The following RUSC2 variants were observed in gnomAD, a reference collection of about 807,000 sequenced individuals.
RUSC2 encodes AP-4 complex accessory subunit RUSC2.
In RUSC2, 34 loss-of-function variants were observed where a neutral mutation model predicts 122.2. The observed-to-expected ratio is 0.28, with a 90% CI of 0.21 to 0.37. The LOEUF is 0.37. RUSC2 is among the 10% of genes least tolerant of loss of function. RUSC2 has a pLI of 1.00. For synonymous variants in RUSC2, 784 were observed against 790.0 expected (o/e 0.99, Z 0.13); for missense variants, 1,747 against 1,952.4 (o/e 0.89, Z 1.98).
At chr9:35,496,366 G>T (rs1820713420) in intron 1 of RUSC2, among the ~76,000 whole-genome samples, 1 of 152,108 alleles carries the variant, frequency 6.6e-6, no homozygotes, top group African/African-American at 2.4e-5. Flanking sequence ...TAGAAACAAA[G>T]CTCGGTGCAT....
intron 1 of RUSC2, among the ~76,000 whole-genome samples, chr9:35,523,594 T>C (rs1284536433): frequency 1.3e-5 from 2 of 151,952 alleles, no homozygotes; most frequent in African/African-American, 4.8e-5. Flanking sequence ...GGTGGCTGGA[T>C]CCTTGAGCCC....
In RUSC2 at chr9:35,561,280, C is replaced by G. The variant is rs372603201; in HGVS notation, c.4449C>G (p.Asp1483Glu). Reference sequence around the variant, plus strand: ...GAGTGCTGGGGCGAGCTGGAGGAGACTGGCTGCGCTGCAGCCGTGGCCCCG... The same window carrying G: ...GAGTGCTGGGGCGAGCTGGAGGAGAGTGGCTGCGCTGCAGCCGTGGCCCCG... ...ILRVLGRAGG[D>E]WLRCSRGPDS... The change falls in exon 12 of 12, where the codon GAC becomes GAG. Residue 1483 changes from aspartate (D) to glutamate (E), a missense_variant. Coordinates refer to ENST00000361226, the MANE Select transcript of RUSC2 (RefSeq NM_014806.5). The G allele has an allele frequency of 1.8e-5, 29 of 1,613,990 alleles. No individual in the cohort carries two copies. The African/African-American group carries it at 3.7e-4, about 21-fold the overall frequency.
chr9:35,514,297 G>C (rs1821064546), intron 1 of RUSC2, among the ~76,000 whole-genome samples: 1 of 152,152 alleles, frequency 6.6e-6, no homozygotes, highest in South Asian at 2.1e-4. Flanking sequence ...CCTAAAGGAT[G>C]ATTAGGAGTT....
In RUSC2 at chr9:35,540,180, G is replaced by A. The variant is rs373595716; in HGVS notation, c.-92-6250G>A. On this transcript the variant is annotated intron_variant, in intron 1 of 11. Coordinates refer to ENST00000361226, the MANE Select transcript of RUSC2 (RefSeq NM_014806.5). ...AGCCTAGGAGTTGAGACCAGCCTGG[G>A]CAACATGGTGAAACCCTGTCTCTAC... is the stretch of plus-strand genomic sequence containing the variant. Among the ~76,000 whole-genome samples, 232 of 152,178 alleles carry A rather than the reference G, an allele frequency of 1.5e-3. 3 individuals are homozygous for A. The highest frequency in any genetic ancestry group is 5.6e-3 in the South Asian group (27 of 4,818).
intron 2 of RUSC2, among the ~76,000 whole-genome samples, chr9:35,550,241 G>A (rs1821860862): frequency 6.6e-6 from 1 of 151,908 alleles, no homozygotes; most frequent in African/African-American, 2.4e-5. Context: ...TGGATCACTG[G>A]TTGTTTGGGT....
chr9:35,560,766 G>A lies in RUSC2; in HGVS notation c.4126G>A (p.Ala1376Thr). 1 of 1,536,972 alleles carries A rather than the reference G, an allele frequency of 6.5e-7. No homozygotes were observed. Reference sequence around the variant, plus strand: ...CTCGCCAGCAGAAAATGAGGAAGGGGCCTCAGAGCCTTCACCTGGAGGCAT... The same window carrying A: ...CTCGCCAGCAGAAAATGAGGAAGGGACCTCAGAGCCTTCACCTGGAGGCAT... Reference protein sequence around the residue: ...AASPAENEEGASEPSPGGIKW... With the variant: ...AASPAENEEGTSEPSPGGIKW... Residue 1376 changes from alanine to threonine, a missense_variant, in exon 10 of 12, where the codon GCC becomes ACC. Transcript: ENST00000361226.
intron 1 of RUSC2, among the ~76,000 whole-genome samples, chr9:35,499,853 G>C (rs1820789818): frequency 6.6e-6 from 1 of 152,226 alleles, no homozygotes; most frequent in African/African-American, 2.4e-5. Context: ...ATGAACCCAA[G>C]GTAAAAAGCA....
intron 1 of RUSC2, among the ~76,000 whole-genome samples, chr9:35,532,425 A>C (rs563432527): frequency 1.3e-5 from 2 of 152,342 alleles, no homozygotes; most frequent in South Asian, 4.1e-4. Flanking sequence ...TTATCTAAGA[A>C]GTAGAACTAG....
At chr9:35,515,347 AGTACC>A (rs1375217849) in intron 1 of RUSC2, among the ~76,000 whole-genome samples, 1 of 151,982 alleles carries the variant, frequency 6.6e-6, no homozygotes, top group Non-Finnish European at 1.5e-5. Context: ...TGTGATTTTT[AGTACC>A]TTGTCATTCA....
At chr9:35,510,409 C>G (rs1442641820) in intron 1 of RUSC2, among the ~76,000 whole-genome samples, 1 of 152,064 alleles carries the variant, frequency 6.6e-6, no homozygotes, top group Non-Finnish European at 1.5e-5. Context: ...TAAACTGGAC[C>G]CTGATTAATA....
chr9:35,528,852 A>G (rs978450782), intron 1 of RUSC2, among the ~76,000 whole-genome samples: 4 of 152,168 alleles, frequency 2.6e-5, no homozygotes, highest in South Asian at 2.1e-4. Flanking sequence ...TGGGGAGACC[A>G]AAGTGGGAGG....
chr9:35,500,283 G>A (rs890854649), intron 1 of RUSC2, among the ~76,000 whole-genome samples: 1 of 152,018 alleles, frequency 6.6e-6, no homozygotes, highest in Non-Finnish European at 1.5e-5. Flanking sequence ...AAGAGAGAGA[G>A]AGAGCTTGTG....
At chr9:35,543,466 T>C (rs1188850564) in intron 1 of RUSC2, among the ~76,000 whole-genome samples, 4 of 152,118 alleles carry the variant, frequency 2.6e-5, no homozygotes, top group Admixed American at 2.6e-4. Flanking sequence ...AAATGGGTAT[T>C]TATTACATAC....
chr9:35,493,002 T>A (rs1017556187), intron 1 of RUSC2, among the ~76,000 whole-genome samples: 2 of 152,112 alleles, frequency 1.3e-5, no homozygotes, highest in Non-Finnish European at 2.9e-5. Context: ...TTTTAACTTT[T>A]ATTTTAGGTT....
Position 35,548,296 on chromosome 9 carries a change from G to C in RUSC2, c.1775G>C (p.Cys592Ser), listed in dbSNP as rs967762399. The C allele has an allele frequency of 1.9e-6, 3 of 1,613,914 alleles. No individual in the cohort carries two copies. The African/African-American group carries it at 4.0e-5, about 22-fold the overall frequency. The part of the protein sequence containing the change: ...DRGAPLDEGT[C>S]CSHSLPPMPL... ...GGGGCCCCACTGGATGAGGGCACTTGCTGTAGCCATAGCCTGCCACCCATG... is the reference window on the plus strand; with the variant it reads ...GGGGCCCCACTGGATGAGGGCACTTCCTGTAGCCATAGCCTGCCACCCATG... Residue 592 changes from cysteine to serine, a missense_variant, in exon 2 of 12, where the codon TGC becomes TCC. By Grantham distance (112) the Cys-to-Ser change is moderately radical (BLOSUM62 -1). Transcript: ENST00000361226. This position sits in a 1 kb window ranked among gnomAD's most constrained non-coding sequence, Gnocchi z 4.5.
chr9:35,545,731 G>A (rs1821730906), intron 1 of RUSC2, among the ~76,000 whole-genome samples: 2 of 152,176 alleles, frequency 1.3e-5, no homozygotes, highest in African/African-American at 4.8e-5. Flanking sequence ...TGAGGAGGAA[G>A]AGGTTGACAT....
At chr9:35,497,645 C>T (rs1820745311) in intron 1 of RUSC2, among the ~76,000 whole-genome samples, 1 of 152,182 alleles carries the variant, frequency 6.6e-6, no homozygotes, top group Admixed American at 6.5e-5. Context: ...GTGATTAAAA[C>T]ATTAACTGCA....
chr9:35,495,047 A>ATATTTTATATATTATATATACTATAG (rs1564239952), intron 1 of RUSC2, among the ~76,000 whole-genome samples: 1 of 58,176 alleles, frequency 1.7e-5, no homozygotes, highest in East Asian at 4.3e-4. Flanking sequence ...ACTATAGTAT[A>ATATTTTATATATTATATATACTATAG]TATAATATAT....
intron 9 of RUSC2, among the ~76,000 whole-genome samples, chr9:35,559,755 T>C (rs1447713551): frequency 1.3e-5 from 2 of 152,002 alleles, no homozygotes; most frequent in Non-Finnish European, 2.9e-5. Flanking sequence ...ACAAAAAACC[T>C]TGGAGCCAGC....
Sources: gnomAD v4.1 joint callset for allele counts (sites outside exome capture counted in the v4.1 genomes callset) on GRCh38, gnomAD v4.1.1 for gene constraint, Gnocchi (gnomAD v3.1) non-coding constraint, MANE v1.5 for transcripts, NCBI Gene and HGNC (gene_info 2026-07-23, HGNC 2026-07-21) for gene names.